Variants in SCAF8 observed in about 807,000 individuals in gnomAD.
The protein encoded by SCAF8 is SR-related and CTD-associated factor 8.
Under a neutral mutation model 140.5 loss-of-function variants are expected in SCAF8, and 23 were observed. That is an observed-to-expected ratio of 0.16 (90% CI 0.12 to 0.23). The LOEUF (loss-of-function observed/expected upper bound fraction) is 0.23, where lower values mean the gene tolerates loss of function less well. Among genes scored for constraint, SCAF8 ranks in the 10% least tolerant of loss-of-function variants. The pLI is 1.00. For missense variants in SCAF8, 1,397 were observed against 1,555.7 expected, an observed-to-expected ratio of 0.90 and a Z score of 1.72; for synonymous variants, 575 against 528.9, an observed-to-expected ratio of 1.09 and a Z score of -1.20.
intron 1 of SCAF8, among the ~76,000 whole-genome samples, chr6:154,762,139 C>A (rs1180660024): frequency 6.6e-6 from 1 of 152,190 alleles, no homozygotes; most frequent in Non-Finnish European, 1.5e-5. Context: ...TATTAGTTTT[C>A]TATTGCTGTG....
At chr6:154,778,128 T>G in intron 3 of SCAF8, 83 bp downstream of exon 3, 1 of 743,820 alleles carries the variant, frequency 1.3e-6, no homozygotes, top group Non-Finnish European at 2.2e-6. Flanking sequence ...TACCCAAGTT[T>G]AAATTGTTTT....
At position 154,802,022 on chromosome 6, in the gene SCAF8, T is replaced by C; in HGVS notation, c.658T>C (p.Ser220Pro). ...LQIQQQKPQP[S>P]ILQALDAGLV... The stretch of plus-strand genomic sequence containing the variant: ...GATACAACAACAGAAGCCCCAGCCT[T>C]CCATTCTGCAGGCCCTAGATGCTGG... The change falls in exon 7 of 20, where the codon TCC (serine) becomes CCC (proline). Residue 220 changes from serine to proline, a missense_variant. By Grantham distance (74) the Ser-to-Pro change is moderately conservative. Coordinates refer to ENST00000367178, the MANE Select transcript of SCAF8 (RefSeq NM_014892.5). The C allele has an allele frequency of 6.2e-7, 1 of 1,610,842 alleles. No homozygotes were observed. The highest frequency in any genetic ancestry group is 1.7e-4 in the Middle Eastern group (1 of 6,044).
At chr6:154,767,202 A>G (rs1333960280) in intron 1 of SCAF8, among the ~76,000 whole-genome samples, 1 of 152,184 alleles carries the variant, frequency 6.6e-6, no homozygotes, top group East Asian at 1.9e-4. Context: ...ACTGGTAGCC[A>G]GCCAGTGTCT....
intron 1 of SCAF8, among the ~76,000 whole-genome samples, chr6:154,756,325 T>C (rs1778965333): frequency 1.3e-5 from 2 of 152,250 alleles, no homozygotes. Context: ...AAGATCATTA[T>C]TGAATTGTCA....
intron 18 of SCAF8, 72 bp from the exon 19 acceptor site, chr6:154,830,850 C>A: frequency 8.9e-7 from 1 of 1,125,840 alleles, no homozygotes; most frequent in Non-Finnish European, 1.3e-6. Context: ...ATTAAATACT[C>A]AGACTGCCAG....
At chr6:154,780,372 T>A (rs1027086453) in intron 3 of SCAF8, among the ~76,000 whole-genome samples, 14 of 150,354 alleles carry the variant, frequency 9.3e-5, no homozygotes, top group Non-Finnish European at 1.8e-4. Flanking sequence ...TTTTTTTTTT[T>A]AAATTTAAGT....
At chr6:154,795,184 A>G in intron 6 of SCAF8, 45 bp downstream of exon 6, 1 of 1,530,526 alleles carries the variant, frequency 6.5e-7, no homozygotes, top group African/African-American at 1.4e-5. Context: ...AGAATTTAAT[A>G]TTTTCCTAAT....
At chr6:154,740,757 C>G (rs1778548877) in intron 1 of SCAF8, among the ~76,000 whole-genome samples, 1 of 151,730 alleles carries the variant, frequency 6.6e-6, no homozygotes, top group African/African-American at 2.4e-5. Flanking sequence ...TAGCTGGAAC[C>G]ACAGGCACGC....
Position 154,833,456 on chromosome 6 carries a change from T to A in SCAF8, c.*61T>A. 4 of 1,476,112 alleles carry A rather than the reference T, an allele frequency of 2.7e-6. No homozygotes were observed. The highest frequency in any genetic ancestry group is 3.7e-6 in the Non-Finnish European group (4 of 1,086,538). 91.4% of individuals were successfully genotyped at this position (1,476,112 alleles called of 1,614,324 possible). A position where few individuals can be genotyped will look rare whatever the true frequency, so the allele number is the denominator to read the frequency against. On this transcript the variant is annotated 3_prime_UTR_variant, in exon 20 of 20. Transcript: ENST00000367178. ...GTTGTCATCTCTCTGTAATAGATAA[T>A]GGCTGACTGGACCATAGTTGTTCAC...
At chr6:154,778,096 T>TA (rs759864412) in intron 3 of SCAF8, 51 bp downstream of exon 3, 2 of 1,030,326 alleles carry the variant, frequency 1.9e-6, no homozygotes, top group South Asian at 2.8e-5. Context: ...TTAATGCCTG[T>TA]ACTCTTCTCC....
chr6:154,795,256 A>T (rs1777567016), intron 6 of SCAF8, 117 bp downstream of exon 6: 3 of 796,550 alleles, frequency 3.8e-6, no homozygotes, highest in East Asian at 6.2e-5. Context: ...TAAAAATGGG[A>T]CCATTATGTA....
chr6:154,736,474 G>A (rs1024522285), intron 1 of SCAF8, among the ~76,000 whole-genome samples: 3 of 151,774 alleles, frequency 2.0e-5, no homozygotes, highest in Non-Finnish European at 4.4e-5. Context: ...GTTTCATCAC[G>A]TTGGCCAGGC....
chr6:154,810,925 T>A (rs765933755), intron 12 of SCAF8, among the ~76,000 whole-genome samples: 8 of 152,230 alleles, frequency 5.3e-5, no homozygotes, highest in Non-Finnish European at 8.8e-5. Context: ...GATTGTGTTA[T>A]CTAATTTCTG....
chr6:154,807,659 G>A (rs1449874259), intron 9 of SCAF8, among the ~76,000 whole-genome samples: 2 of 152,220 alleles, frequency 1.3e-5, no homozygotes, highest in East Asian at 3.8e-4. Flanking sequence ...GATTACTGGC[G>A]TGAGCCACTG....
At chr6:154,767,100 G>C (rs1776597319) in intron 1 of SCAF8, among the ~76,000 whole-genome samples, 1 of 152,222 alleles carries the variant, frequency 6.6e-6, no homozygotes, top group Admixed American at 6.5e-5. Flanking sequence ...ACTGGCAAGG[G>C]TACTTCCTGA....
At chr6:154,821,873 T>G (rs891614136) in intron 15 of SCAF8, among the ~76,000 whole-genome samples, 7 of 152,236 alleles carry the variant, frequency 4.6e-5, no homozygotes, top group African/African-American at 1.7e-4. Flanking sequence ...GTTCTCTTTT[T>G]GCATAGCTGT....
chr6:154,778,098 C>G, intron 3 of SCAF8, 53 bp downstream of exon 3: 1 of 1,007,262 alleles, frequency 9.9e-7, no homozygotes, highest in East Asian at 2.5e-5. Flanking sequence ...AATGCCTGTA[C>G]TCTTCTCCTT....
chr6:154,813,614 C>T (rs1049805033), intron 12 of SCAF8, among the ~76,000 whole-genome samples: 5 of 152,086 alleles, frequency 3.3e-5, no homozygotes, highest in Admixed American at 2.6e-4. Context: ...TAATGGCCCC[C>T]TAAAAGGTAT....
intron 1 of SCAF8, among the ~76,000 whole-genome samples, chr6:154,743,824 A>G (rs1778630509): frequency 6.6e-6 from 1 of 152,228 alleles, no homozygotes; most frequent in South Asian, 2.1e-4. Flanking sequence ...TCTGGAGTAA[A>G]AAAATTTTTT....
Sources: gnomAD v4.1 joint callset for allele counts (sites outside exome capture counted in the v4.1 genomes callset) on GRCh38, gnomAD v4.1.1 for gene constraint, MANE v1.5 for transcripts, NCBI Gene and HGNC (gene_info 2026-07-23, HGNC 2026-07-21) for gene names.